The following SOX5 variants were observed in gnomAD, a reference collection of about 807,000 sequenced individuals.
The protein encoded by SOX5 is transcription factor SOX-5.
In SOX5, 9 loss-of-function variants were observed where a neutral mutation model predicts 92.0. The observed-to-expected ratio is 0.10, with a 90% CI of 0.06 to 0.17. SOX5 has a LOEUF of 0.17. Ranked by LOEUF, SOX5 falls within the 10% of genes least tolerant of loss-of-function variation. The pLI is 1.00. For missense variants in SOX5, 642 were observed against 944.5 expected (o/e 0.68, Z 4.20); for synonymous variants, 344 against 336.3 (o/e 1.02, Z -0.25).
chr12:23,875,104 T>C (rs2096913875), intron 2 of SOX5, among the ~76,000 whole-genome samples: 1 of 152,178 alleles, frequency 6.6e-6, no homozygotes, highest in South Asian at 2.1e-4. Context: ...GACTGTGTGG[T>C]TTACCTAATG....
intron 2 of SOX5, among the ~76,000 whole-genome samples, chr12:23,880,533 T>C (rs1595330478): frequency 2.0e-5 from 3 of 152,298 alleles, no homozygotes; most frequent in South Asian, 4.1e-4. Context: ...TGAAGAGGGG[T>C]GAGAAATTAA....
At chr12:23,757,348 T>A (rs1191151144) in intron 3 of SOX5, among the ~76,000 whole-genome samples, 1 of 151,924 alleles carries the variant, frequency 6.6e-6, no homozygotes, top group Non-Finnish European at 1.5e-5. Flanking sequence ...TATCCCAATT[T>A]CTATATGGTA....
chr12:23,756,881 T>C (rs1374078254), intron 3 of SOX5, among the ~76,000 whole-genome samples: 1 of 151,880 alleles, frequency 6.6e-6, no homozygotes, highest in Non-Finnish European at 1.5e-5. Context: ...CACAGTAAGA[T>C]GCATTTTAGA....
chr12:23,981,092 T>C (rs1199532990), intron 4 of SOX5, among the ~76,000 whole-genome samples: 1 of 152,140 alleles, frequency 6.6e-6, no homozygotes, highest in East Asian at 1.9e-4. Context: ...CCATAACATG[T>C]TTGAATTATA....
intron 2 of SOX5, among the ~76,000 whole-genome samples, chr12:24,298,992 G>A (rs2069584350): frequency 6.6e-6 from 1 of 152,086 alleles, no homozygotes; most frequent in African/African-American, 2.4e-5. Context: ...CACAATGAAA[G>A]TTTACAAGTA....
intron 1 of SOX5, among the ~76,000 whole-genome samples, chr12:24,505,943 A>G (rs749747005): frequency 6.6e-6 from 1 of 151,970 alleles, no homozygotes; most frequent in African/African-American, 2.4e-5. Context: ...TACTGTGAAC[A>G]CCTCGCATTA....
intron 4 of SOX5, among the ~76,000 whole-genome samples, chr12:24,169,450 G>T (rs1391593925): frequency 6.6e-6 from 1 of 152,102 alleles, no homozygotes; most frequent in Non-Finnish European, 1.5e-5. Context: ...CTCCAAATCA[G>T]TTCCTCAGAG....
intron 2 of SOX5, among the ~76,000 whole-genome samples, chr12:23,846,453 A>G (rs1206408871): frequency 6.6e-6 from 1 of 152,238 alleles, no homozygotes; most frequent in Non-Finnish European, 1.5e-5. Context: ...TCAAAGATCT[A>G]TTCAAAGGAG....
chr12:23,552,619 T>C (rs1463850310), intron 11 of SOX5, among the ~76,000 whole-genome samples: 1 of 151,952 alleles, frequency 6.6e-6, no homozygotes, highest in Non-Finnish European at 1.5e-5. Flanking sequence ...TTTGGCCATA[T>C]GTAGTCAGGA....
At chr12:23,612,161 A>G (rs975633785) in intron 8 of SOX5, among the ~76,000 whole-genome samples, 2 of 152,022 alleles carry the variant, frequency 1.3e-5, no homozygotes, top group African/African-American at 2.4e-5. Flanking sequence ...ACCAGTATAT[A>G]AAACAGAGAA....
chr12:24,424,493 C>T (rs1217593002), intron 1 of SOX5, among the ~76,000 whole-genome samples: 1 of 151,904 alleles, frequency 6.6e-6, no homozygotes, highest in Non-Finnish European at 1.5e-5. Context: ...AGCACTTTTC[C>T]CCCGCAGGCT....
intron 4 of SOX5, among the ~76,000 whole-genome samples, chr12:24,152,408 T>C (rs987440809): frequency 2.0e-5 from 3 of 152,132 alleles, no homozygotes; most frequent in African/African-American, 7.2e-5. Context: ...GAGTGGGGTG[T>C]CCCCAGAAAG....
intron 4 of SOX5, among the ~76,000 whole-genome samples, chr12:24,056,435 A>G (rs1397539613): frequency 6.6e-6 from 1 of 152,240 alleles, no homozygotes; most frequent in Non-Finnish European, 1.5e-5. Flanking sequence ...TAGTTTTCAA[A>G]CATATTAATG....
intron 4 of SOX5, among the ~76,000 whole-genome samples, chr12:24,092,308 GA>G (rs2137794241): frequency 7.7e-6 from 1 of 129,842 alleles, no homozygotes; most frequent in East Asian, 3.2e-4. Flanking sequence ...CAATGCTGCG[GA>G]ATTTTTTTTT....
At chr12:23,794,216 G>A (rs2095525204) in intron 3 of SOX5, among the ~76,000 whole-genome samples, 1 of 151,798 alleles carries the variant, frequency 6.6e-6, no homozygotes, top group South Asian at 2.1e-4. Context: ...GTTTATTTTA[G>A]TGAACAGAAA....
chr12:23,785,175 T>C (rs2095357029), intron 3 of SOX5, among the ~76,000 whole-genome samples: 1 of 152,228 alleles, frequency 6.6e-6, no homozygotes, highest in African/African-American at 2.4e-5. Context: ...ATGCAATTTA[T>C]TTACCATTAA....
intron 4 of SOX5, among the ~76,000 whole-genome samples, chr12:23,970,885 G>C (rs1291810342): frequency 8.9e-5 from 7 of 79,026 alleles, no homozygotes; most frequent in Non-Finnish European, 1.8e-4. Context: ...TAACTCCTGG[G>C]CTCAAACAAT....
chr12:23,729,403 C>T (rs2093302893), intron 6 of SOX5, among the ~76,000 whole-genome samples: 1 of 152,088 alleles, frequency 6.6e-6, no homozygotes, highest in Non-Finnish European at 1.5e-5. Flanking sequence ...GCATTTCATA[C>T]AGGTAAATAT....
intron 3 of SOX5, among the ~76,000 whole-genome samples, chr12:23,823,521 T>TAC (rs2096167829): frequency 6.6e-6 from 1 of 152,170 alleles, no homozygotes; most frequent in African/African-American, 2.4e-5. Flanking sequence ...TGGGTAACCC[T>TAC]ACTTTTCTCT....
Sources: gnomAD v4.1 joint callset for allele counts (sites outside exome capture counted in the v4.1 genomes callset) on GRCh38, gnomAD v4.1.1 for gene constraint, MANE v1.5 for transcripts, NCBI Gene and HGNC (gene_info 2026-07-23, HGNC 2026-07-21) for gene names.